The following TMEM40 variants were observed in gnomAD, a reference collection of about 807,000 sequenced individuals.
The protein encoded by TMEM40 is transmembrane protein 40.
Under a neutral mutation model 40.8 loss-of-function variants are expected in TMEM40, and 34 were observed. The ratio of observed to expected loss-of-function variants is 0.83; its 90% CI spans 0.63 to 1.11. TMEM40 has a LOEUF of 1.11. Ranked by LOEUF, TMEM40 falls within the 50% of genes least tolerant of loss-of-function variation. The pLI is 0.00. For synonymous variants in TMEM40, 106 were observed against 107.0 expected, an observed-to-expected ratio of 0.99 and a Z score of 0.06; for missense variants, 296 against 280.2, an observed-to-expected ratio of 1.06 and a Z score of -0.40.
rs2061448361 is a variant in TMEM40, at chr3:12,748,701, G to C, written c.165C>G (p.Ser55=). The C allele has an allele frequency of 6.2e-7, 1 of 1,602,482 alleles. No individual in the cohort carries two copies. The highest frequency in any genetic ancestry group is 8.5e-7 in the Non-Finnish European group (1 of 1,170,886). The stretch of plus-strand genomic sequence containing the variant: ...AAGATGAGGAGGATGAGGAGGAAGA[G>C]GAGGAGGAGGAAGAAGACTTGTTTC... ...YERNKSSSSS[S]SSSSSSSSSS... is the part of the protein sequence containing the mutation. The change falls in exon 3 of 12, where the codon TCC becomes TCG. Residue 55 remains serine, a synonymous_variant. Coordinates refer to ENST00000314124, the MANE Select transcript of TMEM40 (RefSeq NM_018306.4).
chr3:12,734,531 GC>G lies in TMEM40; in HGVS notation c.*242del, dbSNP rs891266065. 1.1e-5 allele frequency: 6 copies of G among 529,962 alleles called. No homozygotes were observed. In the Admixed American group the frequency reaches 1.9e-4, roughly 17 times the overall value. The allele number at this position is 529,962 out of a possible 1,614,324, so 32.8% of individuals were successfully genotyped here. ...TGGTCCAGGTACTGTGAAGCCTCAG[GC>G]CCCACACCCACCCTCTGCCTTCCAT... On this transcript the variant is annotated 3_prime_UTR_variant, in exon 12 of 12. Transcript: ENST00000314124.
chr3:12,742,653 C>A, intron 4 of TMEM40, 146 bp from the exon 5 acceptor site: 1 of 837,588 alleles, frequency 1.2e-6, no homozygotes. Flanking sequence ...GGCAAGGCAG[C>A]ACAAGTACCT....
chr3:12,769,346 C>A, exon 1 of TMEM40: 1 of 276,876 alleles, frequency 3.6e-6, no homozygotes, highest in Non-Finnish European at 8.1e-6. Flanking sequence ...TCAAGTGCGG[C>A]CAGAGTGGGC....
At position 12,755,889 on chromosome 3, in the gene TMEM40, A is replaced by T. The variant is rs183508718; in HGVS notation, c.-9+3302T>A. 1.7e-3 allele frequency among the ~76,000 whole-genome samples: 255 copies of T among 152,338 alleles called. 2 individuals are homozygous for T. The highest frequency in any genetic ancestry group is 6.0e-3 in the African/African-American group (248 of 41,582). ...GCTCAAATGAAACAGCTTTCACTGA[A>T]TCAGCCCCCTTCTTGTTGACAAGTG... is the stretch of plus-strand genomic sequence containing the variant. On this transcript the variant is annotated intron_variant, in intron 1 of 11. Transcript: ENST00000314124.
chr3:12,748,484 C>A (rs2061446235), intron 3 of TMEM40, among the ~76,000 whole-genome samples, 171 bp downstream of exon 3: 1 of 152,170 alleles, frequency 6.6e-6, no homozygotes, highest in Non-Finnish European at 1.5e-5. Context: ...CCTATACGAT[C>A]AATGATAACT....
rs150647218 is a variant in TMEM40, at chr3:12,765,670, C to T, written c.-9+3581G>A. ...CCAAGCTCCCCACATCCTGGGTTCA[C>T]GCCATTCTCCTGCCTCAGCCTCCTG... is the stretch of plus-strand genomic sequence containing the variant. On this transcript the variant is annotated intron_variant, in intron 1 of 11. Coordinates refer to the TMEM40 transcript ENST00000264728. Among the ~76,000 whole-genome samples the T allele has an allele frequency of 6.3e-3, 957 of 150,782 alleles. 13 individuals carry two copies. The highest frequency in any genetic ancestry group is 0.022 in the African/African-American group (907 of 41,036).
chr3:12,747,002 G>A (rs2061434078), intron 3 of TMEM40, among the ~76,000 whole-genome samples: 1 of 152,132 alleles, frequency 6.6e-6, no homozygotes, highest in Non-Finnish European at 1.5e-5. Flanking sequence ...GTGGGCTTGT[G>A]TGTTTTCTCA....
intron 3 of TMEM40, among the ~76,000 whole-genome samples, chr3:12,746,644 G>A (rs1431947536): frequency 2.0e-5 from 3 of 152,174 alleles, no homozygotes; most frequent in Non-Finnish European, 4.4e-5. Context: ...AGGCGGCTAT[G>A]TTCTGGCAGC....
chr3:12,734,829 T>C, intron 11 of TMEM40, 36 bp from the exon 12 acceptor site: 2 of 1,589,558 alleles, frequency 1.3e-6, no homozygotes, highest in Non-Finnish European at 1.7e-6. Context: ...CATGGGATTC[T>C]GAAGGCAGCC....
At chr3:12,759,261 G>A (rs2061552630), upstream of TMEM40, 1 of 152,500 alleles carries the variant, frequency 6.6e-6, no homozygotes, top group Non-Finnish European at 1.5e-5. Context: ...GGGCTGGTCA[G>A]GGGAAGGAGA....
At chr3:12,765,913 T>C (rs1575749500) in intron 1 of TMEM40, among the ~76,000 whole-genome samples, 1 of 151,988 alleles carries the variant, frequency 6.6e-6, no homozygotes, top group South Asian at 2.1e-4. Context: ...TGAAGTGCAG[T>C]GGGCACCATC....
At chr3:12,738,061 G>A in intron 7 of TMEM40, 75 bp downstream of exon 7, 2 of 1,577,410 alleles carry the variant, frequency 1.3e-6, no homozygotes, top group Non-Finnish European at 1.7e-6. Flanking sequence ...CACCCTCTCA[G>A]GCTGTCTGAG....
chr3:12,768,258 G>A (rs142803873), intron 1 of TMEM40, among the ~76,000 whole-genome samples: 1 of 152,128 alleles, frequency 6.6e-6, no homozygotes, highest in South Asian at 2.1e-4. Context: ...CGTGGTGAGT[G>A]TTACAACTAC....
intron 7 of TMEM40, 133 bp from the exon 8 acceptor site, chr3:12,737,887 A>T: frequency 1.0e-6 from 1 of 998,418 alleles, no homozygotes; most frequent in Non-Finnish European, 1.5e-6. Context: ...CTGCAGGACC[A>T]GTCAAACTGT....
At chr3:12,745,117 T>A (rs887757032) in intron 3 of TMEM40, among the ~76,000 whole-genome samples, 2 of 152,124 alleles carry the variant, frequency 1.3e-5, no homozygotes, top group Non-Finnish European at 2.9e-5. Context: ...TGAAGTGCAA[T>A]GGCGTGATCT....
intron 1 of TMEM40, among the ~76,000 whole-genome samples, chr3:12,765,192 A>G (rs1290479593): frequency 6.6e-6 from 1 of 152,230 alleles, no homozygotes; most frequent in Non-Finnish European, 1.5e-5. Flanking sequence ...AAGAGGGAGT[A>G]GAGGAAAAGT....
intron 2 of TMEM40, among the ~76,000 whole-genome samples, chr3:12,749,186 G>A (rs1209488249): frequency 6.6e-6 from 1 of 151,970 alleles, no homozygotes; most frequent in Non-Finnish European, 1.5e-5. Context: ...CGCCACACCC[G>A]GCTAATTTTT....
intron 1 of TMEM40, among the ~76,000 whole-genome samples, chr3:12,751,470 T>G (rs61088580): frequency 0.083 from 12,612 of 151,542 alleles, 586 homozygotes; most frequent in Admixed American, 0.12. Context: ...AGTAGAGACG[T>G]GGTTTCACCA....
chr3:12,760,022 A>C (rs1456437501), upstream of TMEM40, among the ~76,000 whole-genome samples: 2 of 152,112 alleles, frequency 1.3e-5, no homozygotes, highest in East Asian at 1.9e-4. Context: ...CTTCCTGAAG[A>C]GGGGTCTTCC....
Sources: gnomAD v4.1 joint callset for allele counts (sites outside exome capture counted in the v4.1 genomes callset) on GRCh38, gnomAD v4.1.1 for gene constraint, MANE v1.5 for transcripts, NCBI Gene and HGNC (gene_info 2026-07-23, HGNC 2026-07-21) for gene names.